BICD1: variants seen among roughly 807,000 people sequenced by gnomAD.
BICD1 encodes BICD cargo adaptor 1.
BICD1 carries 35 observed loss-of-function variants against 92.5 expected under a neutral mutation model. The ratio of observed to expected loss-of-function variants is 0.38; its 90% CI spans 0.29 to 0.50. The LOEUF (loss-of-function observed/expected upper bound fraction) is 0.50. Ranked by LOEUF, BICD1 falls within the 20% of genes least tolerant of loss-of-function variation. BICD1 has a pLI of 0.93. For synonymous variants in BICD1, 429 were observed against 465.1 expected (o/e 0.92, Z 1.00); for missense variants, 950 against 1,189.8 (o/e 0.80, Z 2.97).
intron 1 of BICD1, among the ~76,000 whole-genome samples, chr12:32,144,293 T>C (rs1440925926): frequency 6.6e-6 from 1 of 152,202 alleles, no homozygotes. Flanking sequence ...AGTAGTTGAA[T>C]TGCATATATA....
chr12:32,369,832 G>A (rs992752063), intron 9 of BICD1, among the ~76,000 whole-genome samples: 12 of 152,048 alleles, frequency 7.9e-5, no homozygotes, highest in Non-Finnish European at 1.2e-4. Context: ...CTTGAGCTCG[G>A]GAGGTCAAGA....
At chr12:32,182,291 T>C (rs189584658) in intron 1 of BICD1, among the ~76,000 whole-genome samples, 1 of 137,460 alleles carries the variant, frequency 7.3e-6, no homozygotes, top group East Asian at 2.1e-4. Flanking sequence ...TTTTTTTTTT[T>C]TTTTTTTTTG....
intron 8 of BICD1, among the ~76,000 whole-genome samples, chr12:32,355,527 C>T (rs1406286133): frequency 2.0e-5 from 3 of 152,152 alleles, no homozygotes; most frequent in Admixed American, 6.5e-5. Context: ...GGAAGCTGGG[C>T]GCAGTGGCTC....
In BICD1 at chr12:32,380,679, T is replaced by G. The variant is rs186569716; in HGVS notation, c.*3052T>G. The G allele has an allele frequency of 6.6e-6, 1 of 152,264 alleles. No individual in the cohort carries two copies. The highest frequency in any genetic ancestry group is 2.4e-5 in the African/African-American group (1 of 41,570). The allele number at this position is 152,264 out of a possible 1,614,324, so 9.4% of individuals were successfully genotyped here. On this transcript the variant is annotated 3_prime_UTR_variant, in exon 10 of 10. Coordinates refer to ENST00000652176, the MANE Select transcript of BICD1 (RefSeq NM_001714.4). ...TCTTTCTGGTCCACACATAATCCAT[T>G]AGATCCCATTCATATATCCAACTCT... is the stretch of plus-strand genomic sequence containing the variant.
At chr12:32,326,080 C>CAAAAA (rs372956491) in intron 4 of BICD1, among the ~76,000 whole-genome samples, 98 of 65,406 alleles carry the variant, frequency 1.5e-3, no homozygotes, top group Middle Eastern at 0.012. Flanking sequence ...GACTCCATCT[C>CAAAAA]AAAAAAAAAA....
At chr12:32,257,235 A>AAAAAAAC (rs1946744338) in intron 2 of BICD1, among the ~76,000 whole-genome samples, 1 of 147,182 alleles carries the variant, frequency 6.8e-6, no homozygotes, top group African/African-American at 2.5e-5. Context: ...AAAAAAAAAA[A>AAAAAAAC]TCTTTTTAAA....
intron 9 of BICD1, among the ~76,000 whole-genome samples, chr12:32,375,072 C>A (rs1366225531): frequency 2.0e-5 from 3 of 151,140 alleles, no homozygotes; most frequent in Non-Finnish European, 4.4e-5. Context: ...GCGCCCGCCA[C>A]CACGCCCAGC....
chr12:32,191,808 A>T (rs947950251), intron 1 of BICD1, among the ~76,000 whole-genome samples: 8 of 151,806 alleles, frequency 5.3e-5, no homozygotes, highest in Non-Finnish European at 7.4e-5. Context: ...AGGTGAATTT[A>T]ATCAATAGAT....
At chr12:32,158,387 C>T (rs1943504861) in intron 1 of BICD1, among the ~76,000 whole-genome samples, 2 of 152,090 alleles carry the variant, frequency 1.3e-5, no homozygotes, top group African/African-American at 4.8e-5. Context: ...GGATTACAGG[C>T]GTGAGCCACC....
At chr12:32,147,127 A>C (rs1285655715) in intron 1 of BICD1, among the ~76,000 whole-genome samples, 1 of 151,938 alleles carries the variant, frequency 6.6e-6, no homozygotes, top group Non-Finnish European at 1.5e-5. Flanking sequence ...TTTTGTAGAC[A>C]TGGGACCTCC....
In BICD1 at chr12:32,199,169, A is replaced by G. The variant is rs144704684; in HGVS notation, c.214-17078A>G. Among the ~76,000 whole-genome samples the G allele has an allele frequency of 3.2e-3, 494 of 152,330 alleles. 2 individuals carry two copies. Among genetic ancestry groups the G allele is most frequent in the African/African-American group, 0.011 (451 of 41,574 alleles). ...GCTTTTGTAAACTTCTGGCAAAAAAAGATATTGAAGATAATTAGAGTTGAA... is the reference window on the plus strand; with the variant it reads ...GCTTTTGTAAACTTCTGGCAAAAAAGGATATTGAAGATAATTAGAGTTGAA... On this transcript the variant is annotated intron_variant, in intron 1 of 9. Coordinates refer to ENST00000652176, the MANE Select transcript of BICD1 (RefSeq NM_001714.4).
At chr12:32,339,154 C>G (rs1938256925) in intron 8 of BICD1, 175 bp downstream of exon 8, 2 of 1,329,566 alleles carry the variant, frequency 1.5e-6, no homozygotes, top group African/African-American at 3.1e-5. Flanking sequence ...CTCCTTCACT[C>G]ATATTCCTTA....
At chr12:32,308,187 A>G (rs1256107247) in intron 4 of BICD1, among the ~76,000 whole-genome samples, 1 of 152,246 alleles carries the variant, frequency 6.6e-6, no homozygotes, top group Non-Finnish European at 1.5e-5. Context: ...TGAGTTCTCA[A>G]TAGACTGTCG....
At chr12:32,166,239 G>A (rs1264610645) in intron 1 of BICD1, among the ~76,000 whole-genome samples, 1 of 151,896 alleles carries the variant, frequency 6.6e-6, no homozygotes, top group Non-Finnish European at 1.5e-5. Flanking sequence ...GGGTTCAAGC[G>A]ATTCTCCTGC....
chr12:32,244,359 T>C (rs886942874), intron 2 of BICD1, among the ~76,000 whole-genome samples: 2 of 152,108 alleles, frequency 1.3e-5, no homozygotes, highest in African/African-American at 4.8e-5. Flanking sequence ...TCCAATCAAA[T>C]CATCATAGCA....
chr12:32,320,619 C>T (rs1042982710), intron 4 of BICD1, among the ~76,000 whole-genome samples: 4 of 151,704 alleles, frequency 2.6e-5, no homozygotes, highest in Admixed American at 1.3e-4. Flanking sequence ...CCAGTCTGGG[C>T]GACAGAGTGA....
chr12:32,188,824 C>T, intron 1 of BICD1, among the ~76,000 whole-genome samples: 1 of 151,702 alleles, frequency 6.6e-6, no homozygotes. Context: ...GCCTCTGGGG[C>T]TCAAGTGATT....
intron 1 of BICD1, among the ~76,000 whole-genome samples, chr12:32,136,477 G>C (rs1197283710): frequency 6.6e-6 from 1 of 152,214 alleles, no homozygotes; most frequent in Non-Finnish European, 1.5e-5. Context: ...TGGGGCCCTT[G>C]GGCTAACCCT....
intron 2 of BICD1, among the ~76,000 whole-genome samples, chr12:32,277,317 C>G (rs767995485): frequency 6.6e-6 from 1 of 152,080 alleles, no homozygotes; most frequent in African/African-American, 2.4e-5. Flanking sequence ...TTGCTTGAAC[C>G]GGGGAGGTGG....
Sources: allele counts gnomAD v4.1 joint callset (sites outside exome capture counted in the v4.1 genomes callset), GRCh38; gene constraint gnomAD v4.1.1; transcripts MANE v1.5; gene names NCBI Gene and HGNC (gene_info 2026-07-23, HGNC 2026-07-21).